The following CDYL2 variants were observed in gnomAD, a reference collection of about 807,000 sequenced individuals.
The protein encoded by CDYL2 is chromodomain Y-like protein 2.
Under a neutral mutation model 49.4 loss-of-function variants are expected in CDYL2, and 23 were observed. The observed-to-expected ratio is 0.47, with a 90% CI of 0.34 to 0.66. The LOEUF (loss-of-function observed/expected upper bound fraction) is 0.66. Ranked by LOEUF, CDYL2 falls within the 30% of genes least tolerant of loss-of-function variation. The pLI, the probability that CDYL2 is intolerant of heterozygous loss-of-function variation, is 0.01. For synonymous variants in CDYL2, 360 were observed against 268.8 expected (o/e 1.34, Z -3.32); for missense variants, 678 against 656.4 (o/e 1.03, Z -0.36).
chr16:80,710,766 G>A (rs187760347), intron 1 of CDYL2, among the ~76,000 whole-genome samples: 13 of 152,232 alleles, frequency 8.5e-5, no homozygotes, highest in African/African-American at 3.1e-4. Flanking sequence ...CATACACACA[G>A]AGAACTGTGT....
chr16:80,639,197 A>C (rs1459480166), intron 2 of CDYL2, among the ~76,000 whole-genome samples: 2 of 152,162 alleles, frequency 1.3e-5, no homozygotes, highest in East Asian at 1.9e-4. Flanking sequence ...AAACCCAACA[A>C]CACCAATAGC....
At chr16:80,632,505 T>C (rs9933575) in intron 3 of CDYL2, 9,021 of 157,370 alleles carry the variant, frequency 0.057, 819 homozygotes, top group African/African-American at 0.2. Context: ...GCTTGCACAA[T>C]CTTGTGAATA....
At chr16:80,662,845 T>C (rs1331898101) in intron 2 of CDYL2, 2 of 448,502 alleles carry the variant, frequency 4.5e-6, no homozygotes. Context: ...TTTTCTCAAA[T>C]GTCTGGCTCC....
At position 80,684,790 on chromosome 16, in the gene CDYL2, C is replaced by T. The variant is rs1910116037; in HGVS notation, c.364G>A (p.Gly122Ser). The change falls in exon 2 of 7, where the codon GGC (glycine) becomes AGC (serine). Residue 122 changes from glycine to serine, a missense_variant. By Grantham distance (56) the Gly-to-Ser change is moderately conservative. Around this residue, in one of 3 missense-constraint regions of CDYL2, gnomAD observed 478 missense variants for 427.0 expected, o/e 1.12. Coordinates refer to ENST00000570137, the MANE Select transcript of CDYL2 (RefSeq NM_152342.4). ...CTGTCACCTCCTGAAGAGGGCTTGCCTGAATACCCTTTTTTTGGCTTGGCC... is the reference window on the plus strand; with the variant it reads ...CTGTCACCTCCTGAAGAGGGCTTGCTTGAATACCCTTTTTTTGGCTTGGCC... ...PLAKPKKGYS[G>S]KPSSGGDRAT... The T allele has an allele frequency of 1.9e-6, 3 of 1,614,246 alleles. No individual in the cohort carries two copies. Among genetic ancestry groups the T allele is most frequent in the Non-Finnish European group, 2.5e-6 (3 of 1,180,052 alleles).
intron 1 of CDYL2, among the ~76,000 whole-genome samples, chr16:80,712,443 T>C (rs1472597215): frequency 4.0e-5 from 6 of 151,890 alleles, no homozygotes; most frequent in African/African-American, 1.5e-4. Context: ...CTGCTCTCCA[T>C]GTCGGCTGCG....
intron 3 of CDYL2, among the ~76,000 whole-genome samples, chr16:80,630,477 G>C (rs949689316): frequency 5.9e-5 from 9 of 152,156 alleles, no homozygotes; most frequent in Non-Finnish European, 1.2e-4. Context: ...AAAGAATCTA[G>C]GAAAAACTGG....
At chr16:80,630,278 G>A (rs1457917628) in intron 3 of CDYL2, among the ~76,000 whole-genome samples, 1 of 152,216 alleles carries the variant, frequency 6.6e-6, no homozygotes, top group Non-Finnish European at 1.5e-5. Flanking sequence ...CAAGCCCGCA[G>A]CTCAGGAGGT....
At chr16:80,756,900 G>A (rs1203290294) in intron 1 of CDYL2, among the ~76,000 whole-genome samples, 1 of 150,796 alleles carries the variant, frequency 6.6e-6, no homozygotes, top group African/African-American at 2.4e-5. Flanking sequence ...TTTTTCAAAG[G>A]CATCTGATAA....
At chr16:80,642,379 T>C (rs1355286360) in intron 2 of CDYL2, among the ~76,000 whole-genome samples, 1 of 152,172 alleles carries the variant, frequency 6.6e-6, no homozygotes, top group Non-Finnish European at 1.5e-5. Context: ...GAGGCGGAAG[T>C]TGCAGTGAGC....
chr16:80,700,000 T>TG (rs1002442960), intron 1 of CDYL2, among the ~76,000 whole-genome samples: 5 of 152,126 alleles, frequency 3.3e-5, no homozygotes, highest in Non-Finnish European at 7.4e-5. Context: ...CCCGAGTAGC[T>TG]GGGACTACAG....
chr16:80,741,681 T>C lies in CDYL2; in HGVS notation c.25-56552A>G. On this transcript the variant is annotated intron_variant, in intron 1 of 6. Coordinates refer to ENST00000570137, the MANE Select transcript of CDYL2 (RefSeq NM_152342.4). ...AACAACAGATATTTAAATTCACCAG[T>C]AAACAAATAAAAGATATTTAAATTC... is the stretch of plus-strand genomic sequence containing the variant. Among the ~76,000 whole-genome samples the C allele has an allele frequency of 2.0e-5, 3 of 152,214 alleles. 1 individual carries two copies. In the Middle Eastern group the frequency reaches 0.01, roughly 518 times the overall value.
At chr16:80,758,685 GGC>G (rs1906403494) in intron 1 of CDYL2, among the ~76,000 whole-genome samples, 2 of 151,734 alleles carry the variant, frequency 1.3e-5, no homozygotes, top group South Asian at 2.1e-4. Context: ...TGGGACTACA[GGC>G]ACCCGCCACC....
intron 1 of CDYL2, among the ~76,000 whole-genome samples, chr16:80,764,458 C>A (rs1906643361): frequency 1.3e-5 from 2 of 152,058 alleles, no homozygotes; most frequent in South Asian, 4.2e-4. Context: ...CATTCCCTAT[C>A]CCAATGGGAG....
chr16:80,611,980 G>A (rs75360044), intron 5 of CDYL2, among the ~76,000 whole-genome samples: 4,751 of 152,332 alleles, frequency 0.031, 376 homozygotes, highest in East Asian at 0.22. Flanking sequence ...GATGGAAATC[G>A]CAATCGTTTC....
At chr16:80,718,360 T>G in intron 1 of CDYL2, among the ~76,000 whole-genome samples, 1 of 152,320 alleles carries the variant, frequency 6.6e-6, no homozygotes, top group East Asian at 1.9e-4. Flanking sequence ...AACTATTACC[T>G]TATGTGCACA....
intron 1 of CDYL2, among the ~76,000 whole-genome samples, chr16:80,793,535 G>A (rs1429997878): frequency 6.6e-6 from 1 of 152,150 alleles, no homozygotes; most frequent in African/African-American, 2.4e-5. Flanking sequence ...TGGAAGCATA[G>A]GTTTCAAACA....
At chr16:80,708,227 T>C (rs567724558) in intron 1 of CDYL2, among the ~76,000 whole-genome samples, 36 of 152,308 alleles carry the variant, frequency 2.4e-4, no homozygotes, top group South Asian at 1.0e-3. Context: ...TCACCTTGAA[T>C]TGTAATAATC....
intron 2 of CDYL2, among the ~76,000 whole-genome samples, chr16:80,633,613 C>G: frequency 6.6e-6 from 1 of 152,198 alleles, no homozygotes; most frequent in East Asian, 1.9e-4. Context: ...GCAAGACCAG[C>G]AGCTAACCTT....
At chr16:80,621,174 G>A (rs1221648059) in intron 3 of CDYL2, among the ~76,000 whole-genome samples, 1 of 152,236 alleles carries the variant, frequency 6.6e-6, no homozygotes, top group Non-Finnish European at 1.5e-5. Context: ...GTGCTAATAA[G>A]GAGGCAGTGT....
Sources: gnomAD v4.1 joint callset for allele counts (sites outside exome capture counted in the v4.1 genomes callset) on GRCh38, gnomAD v4.1.1 for gene constraint, gnomAD v4.1.1 regional missense constraint, MANE v1.5 for transcripts, NCBI Gene and HGNC (gene_info 2026-07-23, HGNC 2026-07-21) for gene names.